Variants in PAPOLG observed in about 807,000 individuals in gnomAD.
PAPOLG encodes the protein PAP-gamma.
In PAPOLG, 40 loss-of-function variants were observed where a neutral mutation model predicts 99.0. That is an observed-to-expected ratio of 0.40 (90% confidence interval 0.31 to 0.53). PAPOLG has a LOEUF of 0.53. Among genes scored for constraint, PAPOLG ranks in the 20% least tolerant of loss-of-function variants. PAPOLG has a pLI of 0.41. For missense variants in PAPOLG, 675 were observed against 884.1 expected (o/e 0.76, Z 3.00); for synonymous variants, 310 against 299.3 (o/e 1.04, Z -0.37).
intron 8 of PAPOLG, among the ~76,000 whole-genome samples, chr2:60,779,053 C>T (rs990164416): frequency 2.6e-5 from 4 of 151,232 alleles, no homozygotes; most frequent in Admixed American, 2.0e-4. Flanking sequence ...TGCCAGTTCA[C>T]TCCAGTCTGG....
chr2:60,759,443 T>C (rs1322088599), intron 1 of PAPOLG, among the ~76,000 whole-genome samples: 1 of 152,138 alleles, frequency 6.6e-6, no homozygotes, highest in African/African-American at 2.4e-5. Context: ...ATGGCTAAGA[T>C]GTTTGGAGGG....
Position 60,779,393 on chromosome 2 carries a change from G to A in PAPOLG, c.695-244G>A, listed in dbSNP as rs560498492. ...GAACTGAGGTGTCTGTATTAGAAGGGAAAGTAAGGAGGGTAAGATTAGCAA... is the reference window on the plus strand; with the variant it reads ...GAACTGAGGTGTCTGTATTAGAAGGAAAAGTAAGGAGGGTAAGATTAGCAA... On this transcript the variant is annotated intron_variant, in intron 8 of 21. Transcript: ENST00000238714. Among the ~76,000 whole-genome samples the A allele has an allele frequency of 1.9e-3, 291 of 152,310 alleles. 11 individuals are homozygous for A. In the South Asian group the frequency reaches 0.055, roughly 29 times the overall value.
Position 60,787,636 on chromosome 2 carries a change from C to G in PAPOLG, c.1396+16C>G. On this transcript the variant is annotated intron_variant, in intron 15 of 21. Transcript: ENST00000238714. ...ACTGATACAGGTAAGACTCCATCAT[C>G]ATAGAGCTGTGATTCTCAAACCTGG... 2 of 1,610,280 alleles carry G rather than the reference C, an allele frequency of 1.2e-6. No homozygotes were observed. Among genetic ancestry groups the G allele is most frequent in the Non-Finnish European group, 1.7e-6 (2 of 1,178,234 alleles).
chr2:60,794,036 C>T lies in PAPOLG; in HGVS notation c.1834C>T (p.Arg612Ter), dbSNP rs2103827286. ...GTGTACCATTCCTACCGTAGTAGGA[C>T]GAAATGTCATTCCTAGAATCACAAC... The part of the protein sequence containing the change: ...TVCTIPTVVG[R>*]NVIPRITTPH... Residue 612 changes from arginine (R) to a stop codon, truncating the protein, a stop_gained, in exon 19 of 22, where the codon CGA becomes TGA. Transcript: ENST00000238714. LOFTEE classifies it high-confidence loss of function. 6.2e-7 allele frequency: 1 copy of T among 1,613,874 alleles called. No individual in the cohort carries two copies. Among genetic ancestry groups the T allele is most frequent in the Non-Finnish European group, 8.5e-7 (1 of 1,179,788 alleles).
At chr2:60,792,817 C>T (rs1197591339) in intron 17 of PAPOLG, among the ~76,000 whole-genome samples, 3 of 152,162 alleles carry the variant, frequency 2.0e-5, no homozygotes, top group Non-Finnish European at 4.4e-5. Flanking sequence ...GGGCAGATCA[C>T]CTGAGGTCAG....
intron 1 of PAPOLG, 102 bp from the exon 2 acceptor site, chr2:60,760,032 T>C: frequency 8.1e-7 from 1 of 1,227,964 alleles, no homozygotes; most frequent in Non-Finnish European, 1.1e-6. Flanking sequence ...TAAGTAAACT[T>C]TTAAGGTAGC....
intron 15 of PAPOLG, 133 bp downstream of exon 15, chr2:60,787,753 T>C: frequency 2.4e-6 from 3 of 1,228,238 alleles, no homozygotes; most frequent in Non-Finnish European, 3.4e-6. Context: ...TCCGTATTGC[T>C]GTTAAAACAG....
In PAPOLG at chr2:60,787,637, A is replaced by C. The variant is rs991168796; in HGVS notation, c.1396+17A>C. ...CTGATACAGGTAAGACTCCATCATC[A>C]TAGAGCTGTGATTCTCAAACCTGGC... On this transcript the variant is annotated intron_variant, in intron 15 of 21. Coordinates refer to ENST00000238714, the MANE Select transcript of PAPOLG (RefSeq NM_022894.4). 1 of 1,610,328 alleles carries C rather than the reference A, an allele frequency of 6.2e-7. No homozygotes were observed. The highest frequency in any genetic ancestry group is 1.1e-5 in the South Asian group (1 of 90,388).
intron 6 of PAPOLG, 100 bp from the exon 7 acceptor site, chr2:60,771,419 A>C: frequency 7.2e-7 from 1 of 1,390,816 alleles, no homozygotes. Flanking sequence ...AACTTCCCAA[A>C]CTCATAACCA....
chr2:60,794,290 T>C (rs1174527228), intron 19 of PAPOLG, 99 bp downstream of exon 19: 2 of 1,229,238 alleles, frequency 1.6e-6, no homozygotes, highest in Non-Finnish European at 2.2e-6. Context: ...TGTTAGGAGT[T>C]GGCTGAAAAG....
At position 60,798,660 on chromosome 2, in the gene PAPOLG, G is replaced by C. The variant is rs141896307; in HGVS notation, c.*1500G>C. The stretch of plus-strand genomic sequence containing the variant: ...TTGAGTAGTGTGGGGAAGACACCTC[G>C]TGTATTATAGGACTCACGGGATGCC... On this transcript the variant is annotated 3_prime_UTR_variant, in exon 22 of 22. Transcript: ENST00000238714. The C allele has an allele frequency of 3.9e-5, 6 of 152,408 alleles. No individual in the cohort carries two copies. The East Asian group carries it at 1.1e-3, about 29-fold the overall frequency. The allele number at this position is 152,408 out of a possible 1,614,324, so 9.4% of individuals were successfully genotyped here.
At chr2:60,764,304 T>A (rs753894479) in intron 3 of PAPOLG, among the ~76,000 whole-genome samples, 1 of 152,146 alleles carries the variant, frequency 6.6e-6, no homozygotes, top group Non-Finnish European at 1.5e-5. Context: ...GAAAGCCCAC[T>A]GTTTAAAAGA....
chr2:60,791,310 G>A (rs527405460), intron 15 of PAPOLG, among the ~76,000 whole-genome samples: 1 of 152,268 alleles, frequency 6.6e-6, no homozygotes, highest in African/African-American at 2.4e-5. Flanking sequence ...CACCACTTTG[G>A]GAGGCCGAGG....
At chr2:60,788,362 C>T (rs2103815715) in intron 15 of PAPOLG, among the ~76,000 whole-genome samples, 1 of 152,218 alleles carries the variant, frequency 6.6e-6, no homozygotes, top group East Asian at 1.9e-4. Context: ...CACTCTGTCA[C>T]CCAGGCCGGA....
intron 11 of PAPOLG, 33 bp from the exon 12 acceptor site, chr2:60,782,653 C>CTTTTTTTTTTTTT (rs747526129): frequency 1.5e-5 from 16 of 1,065,944 alleles, no homozygotes; most frequent in Admixed American, 1.0e-4. Context: ...CATTCTTCTT[C>CTTTTTTTTTTTTT]TTTTTTTTTT....
chr2:60,779,943 C>T (rs1304126728), intron 9 of PAPOLG, among the ~76,000 whole-genome samples, 168 bp downstream of exon 9: 3 of 152,174 alleles, frequency 2.0e-5, no homozygotes, highest in Non-Finnish European at 4.4e-5. Context: ...ATCTAATTGG[C>T]ACCTTCTTCC....
At chr2:60,795,318 T>C (rs1203898245) in intron 21 of PAPOLG, 2 of 527,754 alleles carry the variant, frequency 3.8e-6, no homozygotes, top group Non-Finnish European at 7.3e-6. Context: ...CACATTAATT[T>C]CTTACCAAGC....
At position 60,797,091 on chromosome 2, in the gene PAPOLG, A is replaced by G; in HGVS notation, c.2142A>G (p.Ser714=). The G allele has an allele frequency of 6.2e-7, 1 of 1,613,326 alleles. No individual in the cohort carries two copies. The highest frequency in any genetic ancestry group is 8.5e-7 in the Non-Finnish European group (1 of 1,179,248). ...TACCCAGTAAAGAACTACCAGATTC[A>G]TCATCTCCAGTTCCAGCAAACAACA... ...KRLPSKELPD[S]SSPVPANNIR... is the part of the protein sequence containing the mutation. The change falls in exon 22 of 22, where the codon TCA becomes TCG. Residue 714 remains serine, a synonymous_variant. Transcript: ENST00000238714.
intron 3 of PAPOLG, among the ~76,000 whole-genome samples, chr2:60,763,165 C>T (rs1044806172): frequency 2.5e-4 from 38 of 152,210 alleles, no homozygotes; most frequent in Non-Finnish European, 1.6e-4. Context: ...CAGTCTCAAA[C>T]TCCTGGGCTC....
Sources: allele counts gnomAD v4.1 joint callset (sites outside exome capture counted in the v4.1 genomes callset), GRCh38; gene constraint gnomAD v4.1.1; transcripts MANE v1.5; gene names NCBI Gene and HGNC (gene_info 2026-07-23, HGNC 2026-07-21).